The following PALLD variants were observed in gnomAD, a reference collection of about 807,000 sequenced individuals.
The protein encoded by PALLD is palladin, cytoskeletal associated protein, also known as palladin.
Under a neutral mutation model 123.5 loss-of-function variants are expected in PALLD, and 61 were observed. That is an observed-to-expected ratio of 0.49 (90% CI 0.40 to 0.61). The LOEUF (loss-of-function observed/expected upper bound fraction) is 0.61. Among genes scored for constraint, PALLD ranks in the 20% least tolerant of loss-of-function variants. The pLI is 0.00. For missense variants in PALLD, 1,273 were observed against 1,377.0 expected, an observed-to-expected ratio of 0.92 and a Z score of 1.20; for synonymous variants, 465 against 496.4, an observed-to-expected ratio of 0.94 and a Z score of 0.84.
chr4:168,611,912 C>A (rs961369904), intron 2 of PALLD, among the ~76,000 whole-genome samples: 4 of 152,156 alleles, frequency 2.6e-5, no homozygotes, highest in Non-Finnish European at 4.4e-5. Flanking sequence ...GTAATCCCAA[C>A]ATTTTGGGAG....
At chr4:168,554,383 A>G (rs1239019564) in intron 2 of PALLD, among the ~76,000 whole-genome samples, 1 of 152,184 alleles carries the variant, frequency 6.6e-6, no homozygotes, top group African/African-American at 2.4e-5. Flanking sequence ...ATTAGTGGGG[A>G]AATCTACCAA....
At chr4:168,834,247 A>G (rs1024402053) in intron 10 of PALLD, among the ~76,000 whole-genome samples, 6 of 152,072 alleles carry the variant, frequency 3.9e-5, no homozygotes, top group Admixed American at 1.3e-4. Context: ...TTCATGAATC[A>G]TAAAATTCTG....
chr4:168,554,981 C>T (rs1415524700), intron 2 of PALLD, among the ~76,000 whole-genome samples: 4 of 151,994 alleles, frequency 2.6e-5, no homozygotes, highest in South Asian at 4.1e-4. Context: ...TGTTTGCCTT[C>T]GTAGGGCATA....
chr4:168,664,513 G>T (rs1477713668), intron 2 of PALLD, among the ~76,000 whole-genome samples: 1 of 152,158 alleles, frequency 6.6e-6, no homozygotes, highest in Non-Finnish European at 1.5e-5. Context: ...AAATATGCAT[G>T]TTTTTTGTTC....
At chr4:168,621,635 G>A (rs1193309519) in intron 2 of PALLD, among the ~76,000 whole-genome samples, 1 of 152,116 alleles carries the variant, frequency 6.6e-6, no homozygotes, top group Non-Finnish European at 1.5e-5. Context: ...ATATTTCCTT[G>A]TTTTGGTATG....
intron 2 of PALLD, among the ~76,000 whole-genome samples, chr4:168,546,946 C>G (rs1297813257): frequency 1.3e-5 from 2 of 152,126 alleles, no homozygotes; most frequent in Non-Finnish European, 2.9e-5. Context: ...TCCCTGTTCC[C>G]CAAAGCTGTA....
intron 10 of PALLD, among the ~76,000 whole-genome samples, chr4:168,845,529 T>C (rs1689379565): frequency 1.3e-5 from 2 of 152,336 alleles, no homozygotes; most frequent in East Asian, 3.9e-4. Flanking sequence ...GTATTATAAG[T>C]AATCTAGAGA....
At chr4:168,682,247 A>G (rs1379169350) in intron 4 of PALLD, among the ~76,000 whole-genome samples, 2 of 152,172 alleles carry the variant, frequency 1.3e-5, no homozygotes, top group African/African-American at 4.8e-5. Context: ...ATAAATATTG[A>G]GTCTGTTCTA....
chr4:168,596,997 A>G (rs1772054869), intron 2 of PALLD, among the ~76,000 whole-genome samples: 1 of 151,580 alleles, frequency 6.6e-6, no homozygotes, highest in Non-Finnish European at 1.5e-5. Context: ...TTTTAATGGG[A>G]AAAAAAATTA....
intron 2 of PALLD, among the ~76,000 whole-genome samples, chr4:168,610,276 C>T (rs1162820360): frequency 6.6e-6 from 1 of 152,202 alleles, no homozygotes. Context: ...GGGCATTCAT[C>T]TCCTTGATTG....
At chr4:168,568,121 G>A (rs1580352655) in intron 2 of PALLD, among the ~76,000 whole-genome samples, 1 of 151,706 alleles carries the variant, frequency 6.6e-6, no homozygotes, top group African/African-American at 2.4e-5. Context: ...GGCCCTTTTG[G>A]TTTTATGAAT....
At chr4:168,526,814 C>A (rs1375282752) in intron 2 of PALLD, among the ~76,000 whole-genome samples, 2 of 151,526 alleles carry the variant, frequency 1.3e-5, no homozygotes, top group African/African-American at 2.4e-5. Context: ...AAGCTTGAAG[C>A]CAGGGGTAAA....
chr4:168,691,386 C>T (rs902393805), intron 8 of PALLD, 94 bp downstream of exon 8: 10 of 1,008,162 alleles, frequency 9.9e-6, no homozygotes, highest in South Asian at 1.4e-5. Context: ...ACCTTAAAGC[C>T]GTAAGCAGAA....
chr4:168,765,360 G>A (rs1430779594), intron 10 of PALLD, among the ~76,000 whole-genome samples: 2 of 152,178 alleles, frequency 1.3e-5, no homozygotes, highest in Non-Finnish European at 2.9e-5. Context: ...CAGAGGACAT[G>A]AGAGATTAGG....
intron 10 of PALLD, among the ~76,000 whole-genome samples, chr4:168,781,049 A>AT (rs925272195): frequency 1.5e-4 from 23 of 152,136 alleles, no homozygotes; most frequent in Non-Finnish European, 8.8e-5. Context: ...CAAAATGAAC[A>AT]TTTTTTTAAA....
chr4:168,586,827 C>A (rs768988218), intron 2 of PALLD, among the ~76,000 whole-genome samples: 7 of 151,930 alleles, frequency 4.6e-5, no homozygotes, highest in East Asian at 1.9e-4. Context: ...TGCATTAATT[C>A]TTTTGTGGAA....
chr4:168,637,961 A>AG (rs1210123060), intron 2 of PALLD, among the ~76,000 whole-genome samples: 2 of 151,664 alleles, frequency 1.3e-5, no homozygotes, highest in East Asian at 3.9e-4. Flanking sequence ...AAAAAAAAAA[A>AG]AAAAAAATTC....
chr4:168,708,048 C>A (rs1196110559), intron 8 of PALLD, among the ~76,000 whole-genome samples: 1 of 152,134 alleles, frequency 6.6e-6, no homozygotes, highest in Admixed American at 6.5e-5. Flanking sequence ...GGAGTCTGGA[C>A]CCCAGCTTGC....
intron 10 of PALLD, among the ~76,000 whole-genome samples, chr4:168,720,929 G>A (rs1269452593): frequency 6.6e-6 from 1 of 152,090 alleles, no homozygotes; most frequent in East Asian, 1.9e-4. Context: ...CTCTGACACA[G>A]TGCCACATTC....
Sources: gnomAD v4.1 joint callset for allele counts (sites outside exome capture counted in the v4.1 genomes callset) on GRCh38, gnomAD v4.1.1 for gene constraint, MANE v1.5 for transcripts, NCBI Gene and HGNC (gene_info 2026-07-23, HGNC 2026-07-21) for gene names.